Variants in PHF12 observed in about 807,000 individuals in gnomAD.
PHF12 encodes PHD factor 1.
A neutral mutation model predicts 99.8 loss-of-function variants in PHF12; 6 were observed. That is an observed-to-expected ratio of 0.06 (90% CI 0.03 to 0.12). The LOEUF is 0.12. PHF12 is among the 10% of genes least tolerant of loss of function. The pLI, the probability that PHF12 is intolerant of heterozygous loss-of-function variation, is 1.00. For synonymous variants in PHF12, 480 were observed against 514.9 expected, an observed-to-expected ratio of 0.93 and a Z score of 0.92; for missense variants, 954 against 1,300.1, an observed-to-expected ratio of 0.73 and a Z score of 4.09.
In PHF12 at chr17:28,905,263, TG is replaced by T. The variant is rs2039853685; in HGVS notation, c.*919del. 6.6e-6 allele frequency: 1 copy of T among 152,646 alleles called. No individual in the cohort carries two copies. The highest frequency in any genetic ancestry group is 1.5e-5 in the Non-Finnish European group (1 of 68,058). The allele number at this position is 152,646 out of a possible 1,614,324, so 9.5% of individuals were successfully genotyped here. On this transcript the variant is annotated 3_prime_UTR_variant, in exon 15 of 15. Transcript: ENST00000332830. ...GTCAGAAAACAATTTGAAGTATTTT[TG>T]TTTTTTATATACAGAATACAGGAAA...
intron 5 of PHF12, among the ~76,000 whole-genome samples, chr17:28,921,026 A>G (rs981552924): frequency 7.9e-5 from 12 of 151,614 alleles, no homozygotes; most frequent in African/African-American, 2.9e-4. Flanking sequence ...GATGCCTGCC[A>G]CCATGCCCGG....
At chr17:28,909,065 C>A in intron 11 of PHF12, 184 bp from the exon 12 acceptor site, 1 of 609,002 alleles carries the variant, frequency 1.6e-6, no homozygotes, top group Non-Finnish European at 3.0e-6. Context: ...CCACCCACAG[C>A]ATTTCCAACA....
chr17:28,908,452 C>T, intron 12 of PHF12: 1 of 243,546 alleles, frequency 4.1e-6, no homozygotes, highest in Non-Finnish European at 8.2e-6. Context: ...TCCCAAGTAG[C>T]TGGGACTATA....
chr17:28,950,507 C>T lies in PHF12; in HGVS notation c.67-261G>A, dbSNP rs932540029. 3.9e-5 allele frequency: 22 copies of T among 558,170 alleles called. No individual in the cohort carries two copies. Among genetic ancestry groups the T allele is most frequent in the Non-Finnish European group, 5.7e-5 (18 of 314,712 alleles). 34.6% of individuals were successfully genotyped at this position (558,170 alleles called of 1,614,324 possible). A position where few individuals can be genotyped will look rare whatever the true frequency, so the allele number is the denominator to read the frequency against. On this transcript the variant is annotated intron_variant, in intron 1 of 14. Coordinates refer to ENST00000332830, the MANE Select transcript of PHF12 (RefSeq NM_001033561.2). This position sits in a 1 kb window ranked among gnomAD's most constrained non-coding sequence, Gnocchi z 5.7. ...GGGGATGGGAAGAGGGTGCGCGGTT[C>T]CCTTCTTGCCACTTCCTTGTATGGA...
In PHF12 at chr17:28,911,100, T is replaced by A. The variant is rs1446964054; in HGVS notation, c.2215+12A>T. The A allele has an allele frequency of 6.2e-7, 1 of 1,610,590 alleles. No individual in the cohort carries two copies. The highest frequency in any genetic ancestry group is 1.3e-5 in the African/African-American group (1 of 74,494). On this transcript the variant is annotated intron_variant, in intron 10 of 14. Transcript: ENST00000332830. Reference sequence around the variant, plus strand: ...TAGCAAACGGTGGAACAGCAGCAGCTCATTCACTCACCTCCATTGACATCC... The same window carrying A: ...TAGCAAACGGTGGAACAGCAGCAGCACATTCACTCACCTCCATTGACATCC...
chr17:28,932,076 T>C (rs537413012), intron 2 of PHF12, among the ~76,000 whole-genome samples: 42 of 152,314 alleles, frequency 2.8e-4, no homozygotes, highest in African/African-American at 9.6e-4. Flanking sequence ...ATGTTTCCTC[T>C]CTGCTTCAAG....
intron 3 of PHF12, chr17:28,925,700 G>A (rs571617226): frequency 6.6e-6 from 1 of 152,306 alleles, no homozygotes; most frequent in South Asian, 2.1e-4. Flanking sequence ...TTGAGTCCTT[G>A]GGAAAGTTAA....
intron 7 of PHF12, among the ~76,000 whole-genome samples, chr17:28,914,671 CAAAAAAAAAAAAAAAA>C (rs61203588): frequency 6.6e-5 from 2 of 30,326 alleles, no homozygotes; most frequent in Non-Finnish European, 1.3e-4. Flanking sequence ...GACTCCGTCT[CAAAAAAAAAAAAAAAA>C]AAAAAAAAAA....
chr17:28,912,073 T>C (rs765133738), intron 9 of PHF12: 3 of 1,010,164 alleles, frequency 3.0e-6, no homozygotes, highest in South Asian at 4.5e-5. Context: ...CATTCTTTTG[T>C]GTGGATCTGA....
chr17:28,917,921 G>C (rs1231370664), intron 6 of PHF12, among the ~76,000 whole-genome samples: 1 of 152,194 alleles, frequency 6.6e-6, no homozygotes, highest in Non-Finnish European at 1.5e-5. Flanking sequence ...AACTGGGTCA[G>C]AACCAGAAAT....
Position 28,908,860 on chromosome 17 carries a change from G to T in PHF12, c.2381C>A (p.Ala794Asp). 6.2e-7 allele frequency: 1 copy of T among 1,614,050 alleles called. No individual in the cohort carries two copies. Among genetic ancestry groups the T allele is most frequent in the Non-Finnish European group, 8.5e-7 (1 of 1,179,964 alleles). Residue 794 changes from alanine to aspartate, a missense_variant, in exon 12 of 15, where the codon GCC becomes GAC. Around this residue, in one of 8 missense-constraint regions of PHF12, gnomAD observed 143 missense variants for 191.8 expected, o/e 0.75. Transcript: ENST00000332830. The part of the protein sequence containing the change: ...HIEVQRKEVQ[A>D]RAVFYPLLGL... ...TAAGAGGGGGTAGAACACAGCTCGGGCCTGTACCTCCTTTCTTTGCACTAC... is the reference window on the plus strand; with the variant it reads ...TAAGAGGGGGTAGAACACAGCTCGGTCCTGTACCTCCTTTCTTTGCACTAC...
intron 2 of PHF12, among the ~76,000 whole-genome samples, chr17:28,944,246 T>A: frequency 6.6e-6 from 1 of 152,350 alleles, no homozygotes; most frequent in Non-Finnish European, 1.5e-5. Flanking sequence ...CAGCAGCAGA[T>A]TGATGAGATT....
chr17:28,951,356 G>C lies in PHF12; in HGVS notation c.-396C>G, dbSNP rs556454118. The C allele has an allele frequency of 2.4e-4, 243 of 1,010,166 alleles. 1 individual carries two copies. The Middle Eastern group carries it at 3.5e-3, about 14-fold the overall frequency. The allele number at this position is 1,010,166 out of a possible 1,614,324, so 62.6% of individuals were successfully genotyped here. Reference sequence around the variant, plus strand: ...GGGGGGTGAGAGGTTACGTGAGGTTGTGGTACGTGAGGTGACTGGGGGGAG... The same window carrying C: ...GGGGGGTGAGAGGTTACGTGAGGTTCTGGTACGTGAGGTGACTGGGGGGAG... On this transcript the variant is annotated 5_prime_UTR_variant, in exon 1 of 15. Transcript: ENST00000332830.
Position 28,911,048 on chromosome 17 carries a change from T to TACA in PHF12, c.2215+63_2215+64insTGT, listed in dbSNP as rs2039950537. On this transcript the variant is annotated intron_variant, in intron 10 of 14. Transcript: ENST00000332830. ...CCCTCCCTTTCTGAAATGAGCTGAATGCTGTATAGGAATAGCACCTTCAAC... is the reference window on the plus strand; with the variant it reads ...CCCTCCCTTTCTGAAATGAGCTGAATACAGCTGTATAGGAATAGCACCTTCAAC... 1.9e-6 allele frequency: 3 copies of TACA among 1,603,714 alleles called. No homozygotes were observed. The East Asian group carries it at 6.7e-5, about 36-fold the overall frequency.
At chr17:28,928,982 G>C (rs370459930) in intron 2 of PHF12, among the ~76,000 whole-genome samples, 69 of 151,832 alleles carry the variant, frequency 4.5e-4, no homozygotes, top group African/African-American at 1.6e-3. Flanking sequence ...TGTAGTCCCA[G>C]CTACTCAGGA....
At chr17:28,907,455 G>T in intron 13 of PHF12, 135 bp downstream of exon 13, 2 of 805,698 alleles carry the variant, frequency 2.5e-6, no homozygotes, top group Non-Finnish European at 3.9e-6. Context: ...CCTCCTCCAG[G>T]AATGACAGGG....
At chr17:28,915,343 G>A (rs534535342) in intron 7 of PHF12, among the ~76,000 whole-genome samples, 1 of 152,338 alleles carries the variant, frequency 6.6e-6, no homozygotes, top group Admixed American at 6.5e-5. Context: ...TTGAGGGACT[G>A]AGTAGTGATC....
At position 28,914,234 on chromosome 17, in the gene PHF12, C is replaced by A. The variant is rs151171900; in HGVS notation, c.1135-197G>T. On this transcript the variant is annotated intron_variant, in intron 7 of 14. Coordinates refer to ENST00000332830, the MANE Select transcript of PHF12 (RefSeq NM_001033561.2). Reference sequence around the variant, plus strand: ...ACTTTCCTTCATCAAGGTCTAAGGCCTGCAGAACACAGAAACCACTGCGTT... The same window carrying A: ...ACTTTCCTTCATCAAGGTCTAAGGCATGCAGAACACAGAAACCACTGCGTT... 2.1e-3 allele frequency among the ~76,000 whole-genome samples: 326 copies of A among 152,224 alleles called. 4 individuals are homozygous for A. The East Asian group carries it at 0.032, about 15-fold the overall frequency.
Position 28,951,010 on chromosome 17 carries a change from G to C in PHF12, c.-50C>G, listed in dbSNP as rs766419256. 4.1e-5 allele frequency: 66 copies of C among 1,607,642 alleles called. No homozygotes were observed. The highest frequency in any genetic ancestry group is 5.4e-5 in the Non-Finnish European group (63 of 1,176,660). On this transcript the variant is annotated 5_prime_UTR_variant, in exon 1 of 15. Transcript: ENST00000332830. Reference sequence around the variant, plus strand: ...TCTCTGCTCCGGCCCCCCCAACCCCGGGGGGAGGGGGGAGGTGAGGGGAGG... The same window carrying C: ...TCTCTGCTCCGGCCCCCCCAACCCCCGGGGGAGGGGGGAGGTGAGGGGAGG...
Sources: allele counts gnomAD v4.1 joint callset (sites outside exome capture counted in the v4.1 genomes callset), GRCh38; gene constraint gnomAD v4.1.1; regional missense constraint gnomAD v4.1.1; non-coding constraint Gnocchi (gnomAD v3.1); transcripts MANE v1.5; gene names NCBI Gene and HGNC (gene_info 2026-07-23, HGNC 2026-07-21).